EP300: variants seen among roughly 807,000 people sequenced by gnomAD.
The protein encoded by EP300 is histone acetyltransferase p300.
EP300 carries 31 observed loss-of-function variants against 264.0 expected under a neutral mutation model. That is an observed-to-expected ratio of 0.12 (90% CI 0.09 to 0.16). The LOEUF (loss-of-function observed/expected upper bound fraction) is 0.16, where lower values mean the gene tolerates loss of function less well. Among genes scored for constraint, EP300 ranks in the 10% least tolerant of loss-of-function variants. The probability of loss-of-function intolerance (pLI) is 1.00; values close to 1 mark genes in which losing one functional copy is unlikely to be tolerated. For synonymous variants in EP300, 1,340 were observed against 1,045.4 expected, an observed-to-expected ratio of 1.28 and a Z score of -5.44; for missense variants, 2,766 against 3,052.9, an observed-to-expected ratio of 0.91 and a Z score of 2.21.
chr22:41,152,485 T>C (rs898349565), intron 16 of EP300, 135 bp downstream of exon 16: 39 of 987,134 alleles, frequency 4.0e-5, no homozygotes, highest in Non-Finnish European at 5.0e-5. Flanking sequence ...CTGGGCCTGG[T>C]CTCTTCATTG....
At chr22:41,151,766 A>G in intron 14 of EP300, 67 bp from the exon 15 acceptor site, 2 of 1,507,622 alleles carry the variant, frequency 1.3e-6, no homozygotes, top group East Asian at 2.3e-5. Flanking sequence ...TGCTTACCTT[A>G]CATTCTGATT....
chr22:41,128,449 A>G (rs2058896073), intron 4 of EP300, among the ~76,000 whole-genome samples: 1 of 151,966 alleles, frequency 6.6e-6, no homozygotes, highest in African/African-American at 2.4e-5. Context: ...CGATAGAACC[A>G]AACCCTGTTT....
intron 19 of EP300, 31 bp downstream of exon 19, chr22:41,158,531 A>G: frequency 1.3e-6 from 2 of 1,559,286 alleles, no homozygotes; most frequent in South Asian, 1.1e-5. Flanking sequence ...ACCATGGTCC[A>G]TGTGTCCACA....
At chr22:41,137,613 CCTTT>C (rs755961214) in intron 7 of EP300, 36 bp from the exon 8 acceptor site, 2 of 1,613,782 alleles carry the variant, frequency 1.2e-6, no homozygotes, top group African/African-American at 2.7e-5. Flanking sequence ...TCTTCTCCTA[CCTTT>C]CTTCACTAAA....
chr22:41,150,527 A>T (rs2059037986), intron 14 of EP300, among the ~76,000 whole-genome samples: 1 of 152,144 alleles, frequency 6.6e-6, no homozygotes, highest in African/African-American at 2.4e-5. Flanking sequence ...CAGCACATAA[A>T]TTTTACATAT....
At chr22:41,144,391 G>A (rs532623101) in intron 10 of EP300, among the ~76,000 whole-genome samples, 7 of 151,790 alleles carry the variant, frequency 4.6e-5, no homozygotes, top group Admixed American at 2.6e-4. Context: ...GGTCTGTTTC[G>A]CCCAGCCTGG....
At chr22:41,121,565 A>C (rs150453794) in intron 2 of EP300, among the ~76,000 whole-genome samples, 2 of 152,334 alleles carry the variant, frequency 1.3e-5, no homozygotes, top group African/African-American at 4.8e-5. Context: ...GCTGATCAGC[A>C]ATCAGTGTAG....
intron 14 of EP300, among the ~76,000 whole-genome samples, chr22:41,150,493 C>T (rs186423473): frequency 5.0e-4 from 76 of 152,286 alleles, no homozygotes; most frequent in Admixed American, 9.8e-4. Context: ...CAATCCTTCT[C>T]CTTATTTAGT....
intron 26 of EP300, among the ~76,000 whole-genome samples, chr22:41,170,197 A>C (rs983735268): frequency 2.0e-5 from 3 of 152,236 alleles, no homozygotes; most frequent in Non-Finnish European, 4.4e-5. Context: ...CTCCAAAAAT[A>C]AGTAGGCAAT....
chr22:41,100,845 T>A (rs948051020), intron 1 of EP300, among the ~76,000 whole-genome samples: 19 of 152,096 alleles, frequency 1.2e-4, no homozygotes, highest in Admixed American at 3.9e-4. Flanking sequence ...GACAACCATA[T>A]ATATATAGTA....
chr22:41,160,600 T>C, intron 19 of EP300, 42 bp from the exon 20 acceptor site: 1 of 1,600,762 alleles, frequency 6.2e-7, no homozygotes, highest in Middle Eastern at 1.7e-4. Flanking sequence ...CTGTGTTGTG[T>C]GAACGGAACA....
chr22:41,154,732 T>C (rs567626156), intron 16 of EP300, among the ~76,000 whole-genome samples: 1 of 152,300 alleles, frequency 6.6e-6, no homozygotes, highest in African/African-American at 2.4e-5. Flanking sequence ...CTGTCTTCAC[T>C]GACTTTGTGA....
At chr22:41,169,152 T>C in intron 25 of EP300, 1 of 562,184 alleles carries the variant, frequency 1.8e-6, no homozygotes, top group East Asian at 3.1e-5. Flanking sequence ...TGAGCTTAAA[T>C]CTGGATTAAG....
chr22:41,179,836 G>GT lies in EP300; in HGVS notation c.*883dup, dbSNP rs1208843995. 1.8e-5 allele frequency: 4 copies of GT among 226,492 alleles called. No homozygotes were observed. The highest frequency in any genetic ancestry group is 3.5e-5 in the Non-Finnish European group (4 of 114,710). 14.0% of individuals were successfully genotyped at this position (226,492 alleles called of 1,614,324 possible). A position where few individuals can be genotyped will look rare whatever the true frequency, so the allele number is the denominator to read the frequency against. On this transcript the variant is annotated 3_prime_UTR_variant, in exon 31 of 31. Coordinates refer to ENST00000263253, the MANE Select transcript of EP300 (RefSeq NM_001429.4). ...TTTAACATGCAAAATGTCCCTGGGG[G>GT]TTTCTTCTTTGCTTGCTTTCTTCCT... is the stretch of plus-strand genomic sequence containing the variant.
In EP300 at chr22:41,166,647, AAAT is replaced by A; in HGVS notation, c.3858_3860del (p.Asn1286del). On this transcript the variant is annotated inframe_deletion, in exon 23 of 31. Transcript: ENST00000263253. Reference sequence around the variant, plus strand: ...AGAAAAGTGCACGAACTAGGAAAGAAAATAAGTTTTCTGCTAAAAGTAAGTTTT... The same window carrying A: ...AGAAAAGTGCACGAACTAGGAAAGAAAAGTTTTCTGCTAAAAGTAAGTTTT... 5 of 1,612,012 alleles carry A rather than the reference AAAT, an allele frequency of 3.1e-6. No individual in the cohort carries two copies. The highest frequency in any genetic ancestry group is 3.4e-6 in the Non-Finnish European group (4 of 1,179,182).
Position 41,137,699 on chromosome 22 carries a change from C to T in EP300, c.1669C>T (p.Pro557Ser), listed in dbSNP as rs2145722715. 1 of 1,614,146 alleles carries T rather than the reference C, an allele frequency of 6.2e-7. No homozygotes were observed. The highest frequency in any genetic ancestry group is 8.5e-7 in the Non-Finnish European group (1 of 1,180,032). The change falls in exon 8 of 31, where the codon CCA (proline) becomes TCA (serine). Residue 557 changes from proline to serine, a missense_variant. By Grantham distance (74) the Pro-to-Ser change is moderately conservative. Coordinates refer to ENST00000263253, the MANE Select transcript of EP300 (RefSeq NM_001429.4). ...NASVPSLGPM[P>S]TAAQPSTTGI... ...CAGTGTGCCCTCCCTGGGTCCTATG[C>T]CAACAGCAGCTCAACCATCCACTAC...
chr22:41,134,784 T>A (rs2058940548), intron 6 of EP300, among the ~76,000 whole-genome samples: 1 of 152,244 alleles, frequency 6.6e-6, no homozygotes, highest in Non-Finnish European at 1.5e-5. Flanking sequence ...AGGCTTCCTT[T>A]TACCTCTTCT....
At chr22:41,137,388 C>T (rs866524349) in intron 7 of EP300, among the ~76,000 whole-genome samples, 20 of 140,692 alleles carry the variant, frequency 1.4e-4, no homozygotes, top group African/African-American at 5.2e-4. Flanking sequence ...GCATTACAGA[C>T]AAAACCCAGA....
intron 23 of EP300, among the ~76,000 whole-genome samples, chr22:41,167,720 G>A: frequency 7.1e-6 from 1 of 141,108 alleles, no homozygotes. Context: ...CTGGATTCAA[G>A]CAATCCTCCC....
Sources: gnomAD v4.1 joint callset for allele counts (sites outside exome capture counted in the v4.1 genomes callset) on GRCh38, gnomAD v4.1.1 for gene constraint, MANE v1.5 for transcripts, NCBI Gene and HGNC (gene_info 2026-07-23, HGNC 2026-07-21) for gene names.